Variants in HIVEP3 observed in about 807,000 individuals in gnomAD.
HIVEP3 encodes the protein HIVEP zinc finger 3, also known as transcription factor HIVEP3.
Under a neutral mutation model 152.8 loss-of-function variants are expected in HIVEP3, and 49 were observed. The ratio of observed to expected loss-of-function variants is 0.32; its 90% confidence interval spans 0.26 to 0.41. The LOEUF is 0.41. HIVEP3 is among the 10% of genes least tolerant of loss of function. The probability of loss-of-function intolerance (pLI) is 1.00; values close to 1 mark genes in which losing one functional copy is unlikely to be tolerated. For missense variants in HIVEP3, 2,790 were observed against 3,103.3 expected (o/e 0.90, Z 2.40); for synonymous variants, 1,269 against 1,289.0 (o/e 0.98, Z 0.33).
chr1:42,019,023 T>C (rs1360773692), intron 1 of HIVEP3, among the ~76,000 whole-genome samples: 1 of 152,052 alleles, frequency 6.6e-6, no homozygotes, highest in African/African-American at 2.4e-5. Context: ...ATCTTGTCTT[T>C]TGTTACAGGA....
intron 5 of HIVEP3, among the ~76,000 whole-genome samples, chr1:41,564,472 A>T (rs543001264): frequency 5.3e-5 from 8 of 152,248 alleles, no homozygotes; most frequent in African/African-American, 1.9e-4. Context: ...GAGTGAGAAA[A>T]CTGACCCACA....
rs147813101 is a variant in HIVEP3 at position 42,014,417 on chromosome 1, C to G, written n.119+21390G>C. Among the ~76,000 whole-genome samples the G allele has an allele frequency of 1.1e-3, 170 of 152,034 alleles. 2 individuals carry two copies. Among genetic ancestry groups the G allele is most frequent in the Admixed American group, 1.9e-3 (29 of 15,260 alleles). On this transcript the variant is annotated intron_variant and non_coding_transcript_variant, in intron 1 of 3. Transcript: ENST00000489103. The stretch of plus-strand genomic sequence containing the variant: ...GCACAAGCAGGAGGTGGGGAAAAGG[C>G]AGAGAAAGGTGAGAAAATGGATGAG...
chr1:41,933,585 G>T (rs1326670526), intron 1 of HIVEP3, among the ~76,000 whole-genome samples: 1 of 152,102 alleles, frequency 6.6e-6, no homozygotes, highest in East Asian at 1.9e-4. Context: ...TACAGAAAGT[G>T]TATAGCTGGT....
intron 1 of HIVEP3, among the ~76,000 whole-genome samples, chr1:41,910,972 GAC>G (rs1247513014): frequency 6.6e-6 from 1 of 151,774 alleles, no homozygotes; most frequent in Admixed American, 6.6e-5. Context: ...TCCTTTAAAA[GAC>G]ACAAAATGTT....
At chr1:41,837,888 G>A (rs889589771) in intron 1 of HIVEP3, among the ~76,000 whole-genome samples, 1 of 152,102 alleles carries the variant, frequency 6.6e-6, no homozygotes, top group African/African-American at 2.4e-5. Context: ...CTCTCCCATT[G>A]CCTTCTATCT....
chr1:41,560,191 C>T (rs1250648548), intron 5 of HIVEP3, among the ~76,000 whole-genome samples: 1 of 152,246 alleles, frequency 6.6e-6, no homozygotes, highest in Non-Finnish European at 1.5e-5. Flanking sequence ...TGCCATTTCA[C>T]TTAATCTGCA....
At chr1:41,598,534 A>G (rs1035177393) in intron 3 of HIVEP3, among the ~76,000 whole-genome samples, 8 of 152,250 alleles carry the variant, frequency 5.3e-5, no homozygotes, top group African/African-American at 1.4e-4. Context: ...TCTTGCCCAC[A>G]TGGCAGGATA....
At chr1:41,831,473 G>GT (rs974292304) in intron 1 of HIVEP3, among the ~76,000 whole-genome samples, 3 of 152,204 alleles carry the variant, frequency 2.0e-5, no homozygotes, top group Non-Finnish European at 2.9e-5. Flanking sequence ...GAATCATACA[G>GT]TTTTTTATGC....
rs564685237 is a variant in HIVEP3, at chr1:42,019,695, T to C, written n.119+16112A>G. Among the ~76,000 whole-genome samples the C allele has an allele frequency of 2.6e-5, 4 of 152,118 alleles. No individual in the cohort carries two copies. The South Asian group carries it at 6.2e-4, about 24-fold the overall frequency. ...TTGCCTATTGATAATGACAGTTTTA[T>C]TTCTTACTTTCCAAACCATATACTT... is the stretch of plus-strand genomic sequence containing the variant. On this transcript the variant is annotated intron_variant and non_coding_transcript_variant, in intron 1 of 3. Transcript: ENST00000489103.
chr1:41,884,268 C>A (rs766068296), intron 1 of HIVEP3, among the ~76,000 whole-genome samples: 3 of 152,126 alleles, frequency 2.0e-5, no homozygotes, highest in Non-Finnish European at 4.4e-5. Context: ...GTCATGAGCC[C>A]CCTCCAGTAA....
At chr1:41,947,436 C>T (rs527878968) in intron 1 of HIVEP3, among the ~76,000 whole-genome samples, 1 of 152,338 alleles carries the variant, frequency 6.6e-6, no homozygotes, top group East Asian at 1.9e-4. Flanking sequence ...GGCTTATCCT[C>T]ATCCCAAAAC....
chr1:41,869,106 T>C (rs1644033455), intron 1 of HIVEP3, among the ~76,000 whole-genome samples: 1 of 152,212 alleles, frequency 6.6e-6, no homozygotes, highest in South Asian at 2.1e-4. Context: ...TATAGGCTAC[T>C]TATGTCAGTA....
At chr1:41,564,636 C>T (rs961467555) in intron 5 of HIVEP3, among the ~76,000 whole-genome samples, 2 of 152,232 alleles carry the variant, frequency 1.3e-5, no homozygotes, top group African/African-American at 4.8e-5. Flanking sequence ...CTTGACAATA[C>T]TGAAGGAAAA....
intron 1 of HIVEP3, among the ~76,000 whole-genome samples, chr1:42,028,047 C>T (rs1645592338): frequency 6.6e-6 from 1 of 152,222 alleles, no homozygotes. Context: ...TACATCTCTG[C>T]TCAGATATCA....
chr1:41,659,015 C>T (rs929524142), intron 2 of HIVEP3, among the ~76,000 whole-genome samples: 4 of 152,186 alleles, frequency 2.6e-5, no homozygotes, highest in Non-Finnish European at 4.4e-5. Flanking sequence ...GCCCAGGATG[C>T]ACTGTTGGGC....
chr1:41,982,911 A>G (rs1227198401), intron 1 of HIVEP3, among the ~76,000 whole-genome samples: 3 of 152,220 alleles, frequency 2.0e-5, no homozygotes, highest in African/African-American at 7.2e-5. Flanking sequence ...GAGTCCCTAG[A>G]GCAGCGGTCC....
At chr1:41,576,454 G>A (rs544027477) in intron 4 of HIVEP3, among the ~76,000 whole-genome samples, 100 of 152,316 alleles carry the variant, frequency 6.6e-4, no homozygotes, top group Non-Finnish European at 4.6e-4. Context: ...CCAAGAACAC[G>A]TCCTGTAAAC....
At chr1:41,904,941 T>C (rs903208077) in intron 1 of HIVEP3, among the ~76,000 whole-genome samples, 2 of 152,226 alleles carry the variant, frequency 1.3e-5, no homozygotes, top group Admixed American at 1.3e-4. Context: ...CTGGCTGTGA[T>C]GAAGGCTGCC....
intron 2 of HIVEP3, among the ~76,000 whole-genome samples, chr1:41,690,495 C>T (rs1448982338): frequency 6.6e-6 from 1 of 152,272 alleles, no homozygotes; most frequent in Non-Finnish European, 1.5e-5. Flanking sequence ...GTGCCTGGTG[C>T]ACCCTTGCCA....
Sources: gnomAD v4.1 joint callset for allele counts (sites outside exome capture counted in the v4.1 genomes callset) on GRCh38, gnomAD v4.1.1 for gene constraint, MANE v1.5 for transcripts, NCBI Gene and HGNC (gene_info 2026-07-23, HGNC 2026-07-21) for gene names.